The following ANO4 variants were observed in gnomAD, a reference collection of about 807,000 sequenced individuals.
ANO4 encodes the protein anoctamin-4.
Under a neutral mutation model 141.9 loss-of-function variants are expected in ANO4, and 69 were observed. The observed-to-expected ratio is 0.49, with a 90% CI of 0.40 to 0.59. The LOEUF is 0.59. Among genes scored for constraint, ANO4 ranks in the 20% least tolerant of loss-of-function variants. ANO4 has a pLI of 0.00. For synonymous variants in ANO4, 350 were observed against 394.3 expected (o/e 0.89, Z 1.33); for missense variants, 894 against 1,162.2 (o/e 0.77, Z 3.36).
chr12:100,901,840 G>C lies in ANO4; in HGVS notation c.55G>C (p.Glu19Gln). The change falls in exon 2 of 28, where the codon GAA (glutamate) becomes CAA (glutamine). Residue 19 changes from glutamate to glutamine, a missense_variant and splice_region_variant. Transcript: ENST00000392977. Reference protein sequence around the residue: ...TNGKTKVFHPEGGVDLQGYQL... With the variant: ...TNGKTKVFHPQGGVDLQGYQL... ...TGGAAAAACCAAAGTCTTCCACCCA[G>C]GTGATGCATGGGGAAGTTCAACGGG... 6.2e-7 allele frequency: 1 copy of C among 1,602,188 alleles called. No homozygotes were observed. Among genetic ancestry groups the C allele is most frequent in the Non-Finnish European group, 8.5e-7 (1 of 1,174,408 alleles).
intron 1 of ANO4, among the ~76,000 whole-genome samples, chr12:100,863,499 T>G (rs1430335049): frequency 6.6e-6 from 1 of 152,178 alleles, no homozygotes; most frequent in African/African-American, 2.4e-5. Context: ...AATCTTACTC[T>G]TGAAATGAAG....
Position 101,079,247 on chromosome 12 carries a change from G to A in ANO4, c.1367G>A (p.Trp456Ter), listed in dbSNP as rs1440572065. 6.2e-7 allele frequency: 1 copy of A among 1,613,816 alleles called. No individual in the cohort carries two copies. Among genetic ancestry groups the A allele is most frequent in the Non-Finnish European group, 8.5e-7 (1 of 1,179,914 alleles). Residue 456 changes from tryptophan to a stop codon, truncating the protein, a stop_gained, in exon 15 of 28, where the codon TGG becomes TAG. Coordinates refer to ENST00000392977, the MANE Select transcript of ANO4 (RefSeq NM_001286615.2). LOFTEE classifies it high-confidence loss of function. ...CGGCGAGCAGTAATTGCTTATGACT[G>A]GGATTTGATAGACTGGGAAGAAGAG... is the stretch of plus-strand genomic sequence containing the variant. ...KRRRAVIAYD[W>*]DLIDWEEEEE...
chr12:100,901,616 T>A, intron 1 of ANO4, 30 bp from the exon 2 acceptor site: 1 of 714,562 alleles, frequency 1.4e-6, no homozygotes, highest in Non-Finnish European at 2.6e-6. Flanking sequence ...AGTGACTTCT[T>A]CAGTCTAATG....
At chr12:100,816,181 T>C (rs1179564767) in intron 1 of ANO4, among the ~76,000 whole-genome samples, 4 of 152,098 alleles carry the variant, frequency 2.6e-5, no homozygotes, top group Non-Finnish European at 4.4e-5. Flanking sequence ...TGTAGTGAAC[T>C]CGTATGGTAC....
chr12:100,797,013 G>A (rs1052971820), intron 1 of ANO4, among the ~76,000 whole-genome samples: 110 of 152,094 alleles, frequency 7.2e-4, no homozygotes, highest in African/African-American at 2.6e-3. Context: ...TTAATTAGTA[G>A]CAACTTTAGC....
At chr12:101,029,907 T>TAAA (rs59678820) in intron 9 of ANO4, among the ~76,000 whole-genome samples, 21 of 96,200 alleles carry the variant, frequency 2.2e-4, no homozygotes, top group African/African-American at 7.8e-4. Flanking sequence ...AGTCTCCGTC[T>TAAA]AAAAAAAAAA....
At chr12:100,737,075 G>T (rs1037837117) in intron 2 of ANO4, among the ~76,000 whole-genome samples, 3 of 152,202 alleles carry the variant, frequency 2.0e-5, no homozygotes, top group African/African-American at 7.2e-5. Flanking sequence ...CCCAGAAGGT[G>T]CCAGTGTAAC....
intron 14 of ANO4, chr12:101,068,813 A>G: frequency 1.8e-6 from 2 of 1,137,078 alleles, no homozygotes; most frequent in African/African-American, 1.5e-5. Context: ...ATCAAAAAGT[A>G]TCTATTGAAG....
chr12:100,957,496 A>G (rs2043218110), intron 5 of ANO4, among the ~76,000 whole-genome samples: 1 of 152,206 alleles, frequency 6.6e-6, no homozygotes, highest in Non-Finnish European at 1.5e-5. Flanking sequence ...TATCCAAACC[A>G]TGGCCAGTGG....
intron 14 of ANO4, among the ~76,000 whole-genome samples, chr12:101,054,606 T>C (rs2048024754): frequency 6.6e-6 from 1 of 152,202 alleles, no homozygotes; most frequent in African/African-American, 2.4e-5. Flanking sequence ...TTCACGCCAT[T>C]CTCCTGCGTC....
intron 14 of ANO4, among the ~76,000 whole-genome samples, chr12:101,050,621 G>A (rs1327153538): frequency 6.6e-6 from 1 of 152,136 alleles, no homozygotes; most frequent in Non-Finnish European, 1.5e-5. Flanking sequence ...AATACTAAAT[G>A]TATTCTGTAA....
At position 101,052,888 on chromosome 12, in the gene ANO4, G is replaced by T. The variant is rs368980047; in HGVS notation, c.1312+4487G>T. Among the ~76,000 whole-genome samples the T allele has an allele frequency of 3.3e-5, 5 of 152,308 alleles. No individual in the cohort carries two copies. The South Asian group carries it at 1.0e-3, about 32-fold the overall frequency. ...CTCATTTTATAGATGAGGATACTGA[G>T]GCTCAGAGAGGTTATGCAACTTGCC... On this transcript the variant is annotated intron_variant, in intron 14 of 27. Transcript: ENST00000392977.
intron 7 of ANO4, among the ~76,000 whole-genome samples, chr12:100,984,716 C>T (rs1196774379): frequency 6.6e-6 from 1 of 152,198 alleles, no homozygotes; most frequent in African/African-American, 2.4e-5. Flanking sequence ...TTACAAATCT[C>T]AGCTTCCTTT....
chr12:100,947,568 C>G (rs1007839479), intron 5 of ANO4, among the ~76,000 whole-genome samples: 2 of 152,210 alleles, frequency 1.3e-5, no homozygotes, highest in African/African-American at 4.8e-5. Flanking sequence ...TCTGTTTGCA[C>G]TCATCTCTCA....
chr12:100,955,720 A>G (rs896114506), intron 5 of ANO4, among the ~76,000 whole-genome samples: 14 of 152,232 alleles, frequency 9.2e-5, no homozygotes, highest in South Asian at 2.1e-4. Context: ...GAAAAGTTCT[A>G]TGGAAGCCCT....
At chr12:100,933,202 G>C (rs1426143719) in intron 3 of ANO4, among the ~76,000 whole-genome samples, 2 of 151,786 alleles carry the variant, frequency 1.3e-5, no homozygotes, top group East Asian at 3.9e-4. Flanking sequence ...CATGTGCCAT[G>C]TTGGTTTGTT....
In ANO4 at chr12:101,043,509, A is replaced by T. The variant is rs370137136; in HGVS notation, c.1155-30A>T. On this transcript the variant is annotated intron_variant, in intron 12 of 27. Transcript: ENST00000392977. ...TAGAAAAAAATGTTCCATGTCATCAAAAAGCAGTCCTTTCTGTTCTCTTTT... is the reference window on the plus strand; with the variant it reads ...TAGAAAAAAATGTTCCATGTCATCATAAAGCAGTCCTTTCTGTTCTCTTTT... The T allele has an allele frequency of 3.9e-6, 6 of 1,553,286 alleles. No homozygotes were observed. In the Admixed American group the frequency reaches 1.0e-4, roughly 26 times the overall value.
At position 100,735,794 on chromosome 12, in the gene ANO4, G is replaced by A. The variant is rs1358160466; in HGVS notation, c.106+1937G>A. On this transcript the variant is annotated intron_variant, in intron 2 of 29. Transcript: ENST00000644049. The stretch of plus-strand genomic sequence containing the variant: ...GATGTGATGGTGATAGGTTAGATGT[G>A]TTGATTTGATGTGCCCGTGAGACTT... Among the ~76,000 whole-genome samples, 5 of 152,250 alleles carry A rather than the reference G, an allele frequency of 3.3e-5. No individual in the cohort carries two copies. The East Asian group carries it at 7.7e-4, about 24-fold the overall frequency.
At chr12:100,935,472 C>T (rs918071070) in intron 3 of ANO4, among the ~76,000 whole-genome samples, 3 of 152,164 alleles carry the variant, frequency 2.0e-5, no homozygotes, top group African/African-American at 4.8e-5. Flanking sequence ...GAGTATTTGA[C>T]TCTCTTTCTC....
Sources: allele counts gnomAD v4.1 joint callset (sites outside exome capture counted in the v4.1 genomes callset), GRCh38; gene constraint gnomAD v4.1.1; transcripts MANE v1.5; gene names NCBI Gene and HGNC (gene_info 2026-07-23, HGNC 2026-07-21).